PNISR: variants seen among roughly 807,000 people sequenced by gnomAD.
The protein encoded by PNISR is PNN interacting serine and arginine rich protein.
Under a neutral mutation model 93.4 loss-of-function variants are expected in PNISR, and 20 were observed. The ratio of observed to expected loss-of-function variants is 0.21; its 90% CI spans 0.15 to 0.31. The LOEUF is 0.31. Ranked by LOEUF, PNISR falls within the 10% of genes least tolerant of loss-of-function variation. PNISR has a pLI of 1.00. For missense variants in PNISR, 893 were observed against 985.4 expected (o/e 0.91, Z 1.25); for synonymous variants, 305 against 306.5 (o/e 0.99, Z 0.05).
chr6:99,403,977 T>G, intron 9 of PNISR, 95 bp from the exon 10 acceptor site: 1 of 784,032 alleles, frequency 1.3e-6, no homozygotes, highest in Non-Finnish European at 2.2e-6. Flanking sequence ...CTACTACTAT[T>G]GCTGCTTTTT....
intron 10 of PNISR, 166 bp downstream of exon 10, chr6:99,403,659 CGTTA>C (rs1237543662): frequency 1.1e-5 from 5 of 453,320 alleles, no homozygotes; most frequent in African/African-American, 8.0e-5. Context: ...ACTGTGAATG[CGTTA>C]GTCAAAAAAA....
intron 1 of PNISR, among the ~76,000 whole-genome samples, chr6:99,423,652 A>T (rs1778952849): frequency 6.6e-6 from 1 of 152,224 alleles, no homozygotes; most frequent in Admixed American, 6.5e-5. Flanking sequence ...CATTTTAATC[A>T]TGAGAAAATC....
intron 4 of PNISR, 41 bp from the exon 5 acceptor site, chr6:99,411,005 A>T (rs764833306): frequency 6.9e-7 from 1 of 1,442,586 alleles, no homozygotes; most frequent in Non-Finnish European, 9.7e-7. Context: ...ACAGGCGGTT[A>T]TAACAAAATC....
In PNISR at chr6:99,425,247, CGTT is replaced by C; in HGVS notation, c.-147_-145del. 8.1e-7 allele frequency: 1 copy of C among 1,232,172 alleles called. No individual in the cohort carries two copies. Among genetic ancestry groups the C allele is most frequent in the Admixed American group, 4.2e-5 (1 of 23,718 alleles). 76.3% of individuals were successfully genotyped at this position (1,232,172 alleles called of 1,614,324 possible). ...AGTTCGGGAACACCCTTGTCGCCGC[CGTT>C]CCGGTAACACCTCTCCAACGCTTTC... On this transcript the variant is annotated 5_prime_UTR_variant, in exon 1 of 12. Transcript: ENST00000369239.
intron 4 of PNISR, 169 bp downstream of exon 4, chr6:99,412,382 G>C (rs1777056751): frequency 5.7e-6 from 4 of 702,894 alleles, no homozygotes; most frequent in Admixed American, 4.0e-5. Flanking sequence ...AATGAGTACA[G>C]AATAATTTTA....
In PNISR at chr6:99,399,036, G is replaced by A. The variant is rs758740114; in HGVS notation, c.*1504C>T. 3.3e-5 allele frequency: 5 copies of A among 152,046 alleles called. No homozygotes were observed. The highest frequency in any genetic ancestry group is 5.9e-5 in the Non-Finnish European group (4 of 67,948). The allele number at this position is 152,046 out of a possible 1,614,324, so 9.4% of individuals were successfully genotyped here. On this transcript the variant is annotated 3_prime_UTR_variant, in exon 12 of 12. Transcript: ENST00000369239. The stretch of plus-strand genomic sequence containing the variant: ...TATAATAATCTATGTAGAGGTACAA[G>A]AGCACACTATACAAATCTATTTCTA...
chr6:99,412,463 CATACAACTAAGCAAATTAAAAAATTTAAT>C, intron 4 of PNISR, 59 bp downstream of exon 4: 1 of 900,512 alleles, frequency 1.1e-6, no homozygotes. Flanking sequence ...TTCCAGAAGT[CATACAACTAAGCAAATTAAAAAATTTAAT>C]AATAATCTTC....
intron 11 of PNISR, 129 bp downstream of exon 11, chr6:99,402,411 T>C: frequency 1.5e-6 from 1 of 671,688 alleles, no homozygotes; most frequent in Non-Finnish European, 2.2e-6. Context: ...ATTGTGACTT[T>C]AGTTTCAGTT....
chr6:99,420,226 T>C (rs1186201153), intron 1 of PNISR, among the ~76,000 whole-genome samples: 1 of 152,224 alleles, frequency 6.6e-6, no homozygotes, highest in Non-Finnish European at 1.5e-5. Context: ...TGGCATCATT[T>C]TTCATGCATT....
chr6:99,408,393 T>C, intron 6 of PNISR, 122 bp from the exon 7 acceptor site: 1 of 661,736 alleles, frequency 1.5e-6, no homozygotes, highest in Non-Finnish European at 2.6e-6. Context: ...TCACTTTTAG[T>C]AACAGCAGGG....
At chr6:99,413,648 T>G (rs1208159643) in intron 3 of PNISR, among the ~76,000 whole-genome samples, 1 of 152,200 alleles carries the variant, frequency 6.6e-6, no homozygotes, top group Non-Finnish European at 1.5e-5. Context: ...CATCTACATT[T>G]AACATTTCAA....
At chr6:99,402,444 T>A in intron 11 of PNISR, 96 bp downstream of exon 11, 1 of 914,852 alleles carries the variant, frequency 1.1e-6, no homozygotes, top group South Asian at 2.4e-5. Flanking sequence ...ATTTATAATA[T>A]AGCCTTTATT....
intron 6 of PNISR, 73 bp downstream of exon 6, chr6:99,409,100 A>C: frequency 8.1e-7 from 1 of 1,235,050 alleles, no homozygotes; most frequent in East Asian, 2.4e-5. Context: ...AATTTTAAGA[A>C]AACAAGACAT....
chr6:99,400,742 T>A lies in PNISR; in HGVS notation c.2216A>T (p.Asp739Val). The A allele has an allele frequency of 1.2e-6, 2 of 1,611,600 alleles. No homozygotes were observed. Among genetic ancestry groups the A allele is most frequent in the Non-Finnish European group, 1.7e-6 (2 of 1,178,860 alleles). The change falls in exon 12 of 12, where the codon GAT becomes GTT. Residue 739 changes from aspartate to valine, a missense_variant. Asp to Val is a radical substitution (Grantham distance 152). Coordinates refer to ENST00000369239, the MANE Select transcript of PNISR (RefSeq NM_032870.4). ...ATCTTTGGTAGTACTTTTCTTACTA[T>A]CCTGTCTAGAATCATGTCTTATGAT... ...VKIIRHDSRQ[D>V]SKKSTTKDSK...
Position 99,401,309 on chromosome 6 carries a change from G to A in PNISR, c.1649C>T (p.Ser550Phe). The change falls in exon 12 of 12, where the codon TCT (serine) becomes TTT (phenylalanine). Residue 550 changes from serine to phenylalanine, a missense_variant. Physicochemically the swap from Ser to Phe is radical, Grantham distance 155. Around this residue, in one of 3 missense-constraint regions of PNISR, gnomAD observed 866 missense variants for 935.1 expected, o/e 0.93. Coordinates refer to ENST00000369239, the MANE Select transcript of PNISR (RefSeq NM_032870.4). ...SGSSRTSSRS[S>F]SPKRKKRHSR... is the part of the protein sequence containing the mutation. ...GTGTCTCTTTTTCCTTTTAGGAGAA[G>A]AAGACCGAGAAGAAGTACGACTACT... 1 of 1,614,042 alleles carries A rather than the reference G, an allele frequency of 6.2e-7. No individual in the cohort carries two copies. The highest frequency in any genetic ancestry group is 8.5e-7 in the Non-Finnish European group (1 of 1,179,986).
intron 1 of PNISR, chr6:99,424,980 G>A: frequency 2.8e-6 from 1 of 360,050 alleles, no homozygotes; most frequent in Non-Finnish European, 4.9e-6. Context: ...AGGAAACTCT[G>A]TGAGAAGATG....
intron 3 of PNISR, among the ~76,000 whole-genome samples, chr6:99,413,267 A>C (rs1400062162): frequency 1.3e-5 from 2 of 152,194 alleles, no homozygotes; most frequent in African/African-American, 4.8e-5. Context: ...TCTCTAGCCA[A>C]AACATGACTA....
chr6:99,411,236 T>C (rs1057344033), intron 4 of PNISR, among the ~76,000 whole-genome samples: 1 of 152,206 alleles, frequency 6.6e-6, no homozygotes, highest in African/African-American at 2.4e-5. Flanking sequence ...CAAAGCACTA[T>C]TTTTGTTGAA....
chr6:99,423,821 G>C lies in PNISR; in HGVS notation c.-112+1394C>G, dbSNP rs1253032049. ...AAATTTATTTCCTCACTGTTCTGGA[G>C]GCGTATAGTGTAAGCTCTATGGGGT... On this transcript the variant is annotated intron_variant, in intron 1 of 11. Coordinates refer to ENST00000369239, the MANE Select transcript of PNISR (RefSeq NM_032870.4). Among the ~76,000 whole-genome samples, 4 of 152,182 alleles carry C rather than the reference G, an allele frequency of 2.6e-5. No individual in the cohort carries two copies. In the East Asian group the frequency reaches 7.7e-4, roughly 29 times the overall value.
Sources: gnomAD v4.1 joint callset for allele counts (sites outside exome capture counted in the v4.1 genomes callset) on GRCh38, gnomAD v4.1.1 for gene constraint, gnomAD v4.1.1 regional missense constraint, MANE v1.5 for transcripts, NCBI Gene and HGNC (gene_info 2026-07-23, HGNC 2026-07-21) for gene names.